The following DCHS2 variants were observed in gnomAD, a reference collection of about 807,000 sequenced individuals.
DCHS2 encodes the protein dachsous cadherin-related 2.
In DCHS2, 142 loss-of-function variants were observed where a neutral mutation model predicts 182.4. The ratio of observed to expected loss-of-function variants is 0.78; its 90% CI spans 0.68 to 0.89. The LOEUF (loss-of-function observed/expected upper bound fraction) is 0.89. Ranked by LOEUF, DCHS2 falls within the 40% of genes least tolerant of loss-of-function variation. The probability of loss-of-function intolerance (pLI) is 0.00; values close to 1 mark genes in which losing one functional copy is unlikely to be tolerated. For synonymous variants in DCHS2, 1,740 were observed against 1,663.3 expected (o/e 1.05, Z -1.12); for missense variants, 4,319 against 4,198.6 (o/e 1.03, Z -0.79).
intron 3 of DCHS2, among the ~76,000 whole-genome samples, chr4:154,335,838 T>A (rs557254109): frequency 6.6e-6 from 1 of 152,220 alleles, no homozygotes; most frequent in African/African-American, 2.4e-5. Context: ...TTTAGAAGTA[T>A]ATAAAGTCAC....
intron 13 of DCHS2, among the ~76,000 whole-genome samples, chr4:154,273,760 C>T (rs113798505): frequency 2.7e-5 from 4 of 148,932 alleles, no homozygotes; most frequent in African/African-American, 7.4e-5. Context: ...TTTATGGCAT[C>T]TGTTTTACAC....
At position 154,234,918 on chromosome 4, in the gene DCHS2, T is replaced by C; in HGVS notation, c.9734A>G (p.Gln3245Arg). ...NYLLSWEPKF[Q>R]PLASVFNDIA... ...ATCATTAAATACTGAGGCAAGAGGT[T>C]GGAATTTGGGCTCCCAACTAAGAAG... The change falls in exon 20 of 20, where the codon CAA (glutamine) becomes CGA (arginine). Residue 3245 changes from glutamine to arginine, a missense_variant. Physicochemically the swap from Gln to Arg is conservative, Grantham distance 43 (BLOSUM62 1). Transcript: ENST00000357232. The C allele has an allele frequency of 6.2e-7, 1 of 1,613,986 alleles. No individual in the cohort carries two copies. The highest frequency in any genetic ancestry group is 8.5e-7 in the Non-Finnish European group (1 of 1,179,914).
At chr4:154,424,572 A>G (rs1733244147) in intron 1 of DCHS2, among the ~76,000 whole-genome samples, 1 of 152,244 alleles carries the variant, frequency 6.6e-6, no homozygotes, top group South Asian at 2.1e-4. Flanking sequence ...ATTAAATTGA[A>G]TTACTACATC....
chr4:154,393,254 T>C (rs1731785212), intron 1 of DCHS2, among the ~76,000 whole-genome samples: 1 of 152,172 alleles, frequency 6.6e-6, no homozygotes, highest in Non-Finnish European at 1.5e-5. Flanking sequence ...AAATGAATTA[T>C]GTGCAAAGCC....
At chr4:154,483,645 T>C (rs1349234112) in intron 1 of DCHS2, among the ~76,000 whole-genome samples, 1 of 152,158 alleles carries the variant, frequency 6.6e-6, no homozygotes, top group Non-Finnish European at 1.5e-5. Context: ...ACGAGTGCCT[T>C]AATGCCTGGG....
chr4:154,276,922 C>T (rs1415432065), intron 13 of DCHS2, among the ~76,000 whole-genome samples: 1 of 152,056 alleles, frequency 6.6e-6, no homozygotes, highest in East Asian at 1.9e-4. Context: ...GTGCTACAAT[C>T]CCATTTGATA....
rs1485732434 is a variant in DCHS2 at position 154,234,574 on chromosome 4, A to C, written c.10078T>G (p.Cys3360Gly). Residue 3360 changes from cysteine (C) to glycine (G), a missense_variant, in exon 20 of 20, where the codon TGC becomes GGC. Coordinates refer to ENST00000357232, the MANE Select transcript of DCHS2 (RefSeq NM_001358235.2). ...ELLGTHISGT[C>G]HELKAEDEVQ... is the part of the protein sequence containing the mutation. ...TCATCTTCTGCTTTAAGTTCATGGC[A>C]TGTACCACTGATGTGTGTTCCTAAT... is the stretch of plus-strand genomic sequence containing the variant. 3 of 1,613,694 alleles carry C rather than the reference A, an allele frequency of 1.9e-6. No homozygotes were observed. The highest frequency in any genetic ancestry group is 1.7e-5 in the Admixed American group (1 of 59,988).
chr4:154,381,636 C>A (rs1731173671), intron 1 of DCHS2, among the ~76,000 whole-genome samples: 1 of 151,992 alleles, frequency 6.6e-6, no homozygotes, highest in Non-Finnish European at 1.5e-5. Flanking sequence ...TCCTATACAG[C>A]AATAATGTTC....
intron 1 of DCHS2, among the ~76,000 whole-genome samples, chr4:154,381,125 G>A (rs533250195): frequency 5.3e-5 from 8 of 152,084 alleles, no homozygotes; most frequent in East Asian, 1.9e-4. Flanking sequence ...TTATCCCTAC[G>A]TCTACTTATT....
rs746456105 is a variant in DCHS2 at position 154,320,909 on chromosome 4, C to T, written c.4490G>A (p.Ser1497Asn). 5.6e-6 allele frequency: 9 copies of T among 1,613,918 alleles called. No homozygotes were observed. In the Admixed American group the frequency reaches 1.3e-4, roughly 24 times the overall value. Residue 1497 changes from serine (S) to asparagine (N), a missense_variant, in exon 9 of 20, where the codon AGT becomes AAT. Coordinates refer to ENST00000357232, the MANE Select transcript of DCHS2 (RefSeq NM_001358235.2). ...NLSLSSTVFL[S>N]IDVEDQNDHS... ...GTCATTCTGATCTTCCACATCGATA[C>T]TAAGGAAGACTGTGCTACTCAGGGA... is the stretch of plus-strand genomic sequence containing the variant.
chr4:154,486,370 A>C (rs1224927430), intron 1 of DCHS2: 3 of 1,293,760 alleles, frequency 2.3e-6, no homozygotes, highest in Non-Finnish European at 3.1e-6. Flanking sequence ...GGGGATGTGG[A>C]GTAACCACTA....
At chr4:154,240,093 T>C (rs1249392546) in intron 18 of DCHS2, among the ~76,000 whole-genome samples, 2 of 152,116 alleles carry the variant, frequency 1.3e-5, no homozygotes, top group Admixed American at 6.6e-5. Context: ...TCTATAAACA[T>C]ATATTATGCT....
intron 1 of DCHS2, among the ~76,000 whole-genome samples, chr4:154,436,236 G>T (rs1388066): frequency 0.51 from 77,570 of 151,946 alleles, 20,947 homozygotes; most frequent in Middle Eastern, 0.67. Context: ...TTTTAAAATT[G>T]TATTGGTCCT....
intron 2 of DCHS2, 90 bp downstream of exon 2, chr4:154,377,163 A>G (rs1347082313): frequency 7.8e-7 from 1 of 1,286,260 alleles, no homozygotes; most frequent in Non-Finnish European, 1.1e-6. Context: ...AGAATGACCC[A>G]ATTGTTGATC....
chr4:154,400,138 C>T (rs1347614845), intron 1 of DCHS2, among the ~76,000 whole-genome samples: 1 of 151,946 alleles, frequency 6.6e-6, no homozygotes, highest in African/African-American at 2.4e-5. Context: ...CCCGTCTCTA[C>T]TAAAAATACA....
Position 154,333,054 on chromosome 4 carries a change from T to G in DCHS2, c.3154A>C (p.Thr1052Pro), listed in dbSNP as rs1369704569. The part of the protein sequence containing the change: ...GAGEQRELTL[T>P]LRAEDQGVHP... ...ACGCCTTGGTCCTCGGCCCTGAGAG[T>G]CAGCGTGAGCTCCCGCTGCTCGCCC... Residue 1052 changes from threonine (T) to proline (P), a missense_variant, in exon 5 of 20, where the codon ACT becomes CCT. Coordinates refer to ENST00000357232, the MANE Select transcript of DCHS2 (RefSeq NM_001358235.2). 1 of 1,613,908 alleles carries G rather than the reference T, an allele frequency of 6.2e-7. No homozygotes were observed. The highest frequency in any genetic ancestry group is 8.5e-7 in the Non-Finnish European group (1 of 1,179,932).
At chr4:154,330,959 G>C (rs957606979) in intron 5 of DCHS2, among the ~76,000 whole-genome samples, 1 of 152,072 alleles carries the variant, frequency 6.6e-6, no homozygotes, top group Admixed American at 6.5e-5. Flanking sequence ...TGGAGGTCGG[G>C]GATGTAAAAG....
At chr4:154,451,638 G>A (rs891695036) in intron 1 of DCHS2, among the ~76,000 whole-genome samples, 2 of 152,106 alleles carry the variant, frequency 1.3e-5, no homozygotes, top group African/African-American at 4.8e-5. Flanking sequence ...GAAAGTGGAC[G>A]GCTGCAGCAC....
At chr4:154,401,502 T>C (rs1732181384) in intron 1 of DCHS2, among the ~76,000 whole-genome samples, 1 of 152,210 alleles carries the variant, frequency 6.6e-6, no homozygotes, top group Non-Finnish European at 1.5e-5. Context: ...CACATCCTCA[T>C]CAACATTGGT....
Sources: gnomAD v4.1 joint callset for allele counts (sites outside exome capture counted in the v4.1 genomes callset) on GRCh38, gnomAD v4.1.1 for gene constraint, MANE v1.5 for transcripts, NCBI Gene and HGNC (gene_info 2026-07-23, HGNC 2026-07-21) for gene names.